The following ADAMTS9 variants were observed in gnomAD, a reference collection of about 807,000 sequenced individuals.
The protein encoded by ADAMTS9 is A disintegrin and metalloproteinase with thrombospondin motifs 9.
ADAMTS9 carries 107 observed loss-of-function variants against 257.1 expected under a neutral mutation model. That is an observed-to-expected ratio of 0.42 (90% CI 0.36 to 0.49). ADAMTS9 has a LOEUF of 0.49. Ranked by LOEUF, ADAMTS9 falls within the 20% of genes least tolerant of loss-of-function variation. The probability of loss-of-function intolerance (pLI) is 0.03; values close to 1 mark genes in which losing one functional copy is unlikely to be tolerated. For missense variants in ADAMTS9, 2,353 were observed against 2,469.1 expected, an observed-to-expected ratio of 0.95 and a Z score of 1.00; for synonymous variants, 982 against 880.9, an observed-to-expected ratio of 1.11 and a Z score of -2.03.
chr3:64,673,373 G>C (rs1701537444), intron 3 of ADAMTS9, among the ~76,000 whole-genome samples: 1 of 152,134 alleles, frequency 6.6e-6, no homozygotes, highest in African/African-American at 2.4e-5. Flanking sequence ...GACTGGCCTT[G>C]CTTTTCTAAT....
At chr3:64,539,063 G>A in intron 37 of ADAMTS9, 140 bp downstream of exon 37, 1 of 748,922 alleles carries the variant, frequency 1.3e-6, no homozygotes, top group Non-Finnish European at 2.3e-6. Context: ...GAGCATTTGA[G>A]AGGGTCTTGA....
chr3:64,576,689 C>A (rs2106721904), intron 28 of ADAMTS9, among the ~76,000 whole-genome samples: 1 of 152,266 alleles, frequency 6.6e-6, no homozygotes, highest in East Asian at 1.9e-4. Flanking sequence ...ATGTGGGAGT[C>A]ACGGTCATCC....
intron 28 of ADAMTS9, among the ~76,000 whole-genome samples, chr3:64,584,365 G>A (rs1372983422): frequency 6.6e-6 from 1 of 152,078 alleles, no homozygotes; most frequent in East Asian, 1.9e-4. Context: ...TGGGTGGGAT[G>A]GGGAGGAGGG....
At chr3:64,547,050 A>C (rs1174417256) in intron 31 of ADAMTS9, 98 bp from the exon 32 acceptor site, 1 of 1,085,638 alleles carries the variant, frequency 9.2e-7, no homozygotes, top group South Asian at 1.6e-5. Context: ...CCGTGTGACT[A>C]TGCTGCAGAA....
intron 3 of ADAMTS9, among the ~76,000 whole-genome samples, chr3:64,661,779 A>C (rs1422553093): frequency 6.6e-6 from 1 of 152,138 alleles, no homozygotes; most frequent in Non-Finnish European, 1.5e-5. Flanking sequence ...TACATTAAGA[A>C]AGTATATCAC....
chr3:64,673,251 CA>C (rs1178433472), intron 3 of ADAMTS9, among the ~76,000 whole-genome samples: 3 of 152,128 alleles, frequency 2.0e-5, no homozygotes, highest in African/African-American at 7.2e-5. Flanking sequence ...GCACTTCAGA[CA>C]AGGAGTCAAA....
intron 2 of ADAMTS9, among the ~76,000 whole-genome samples, chr3:64,683,851 T>G (rs1701821835): frequency 1.3e-5 from 2 of 152,046 alleles, no homozygotes; most frequent in African/African-American, 4.8e-5. Context: ...CCAAGAACCT[T>G]GATACAAGGG....
chr3:64,641,037 A>G (rs1414597611), intron 12 of ADAMTS9, among the ~76,000 whole-genome samples: 1 of 152,170 alleles, frequency 6.6e-6, no homozygotes, highest in Admixed American at 6.5e-5. Flanking sequence ...CTGTAATACA[A>G]CTAGATTGAT....
chr3:64,532,758 C>T (rs1246760645), intron 38 of ADAMTS9, among the ~76,000 whole-genome samples: 1 of 152,160 alleles, frequency 6.6e-6, no homozygotes, highest in Non-Finnish European at 1.5e-5. Flanking sequence ...TGTCTTCTAG[C>T]TCCATCTGTA....
chr3:64,544,749 C>G (rs2083174221), intron 32 of ADAMTS9, among the ~76,000 whole-genome samples: 1 of 152,126 alleles, frequency 6.6e-6, no homozygotes, highest in Admixed American at 6.5e-5. Flanking sequence ...GCAACAAAAG[C>G]CAAAATAGAC....
chr3:64,604,818 G>A (rs2084529265), intron 23 of ADAMTS9, among the ~76,000 whole-genome samples: 1 of 152,180 alleles, frequency 6.6e-6, no homozygotes, highest in Non-Finnish European at 1.5e-5. Flanking sequence ...GATATAAAAG[G>A]TGTATTCAAT....
At position 64,686,892 on chromosome 3, in the gene ADAMTS9, G is replaced by T; in HGVS notation, c.192C>A (p.Pro64=). 1.2e-6 allele frequency: 2 copies of T among 1,614,198 alleles called. No individual in the cohort carries two copies. Among genetic ancestry groups the T allele is most frequent in the Non-Finnish European group, 8.5e-7 (1 of 1,180,032 alleles). The part of the protein sequence containing the change: ...IRVNALGEPF[P]TNVHFKRTRR... ...GCGTTCTTTTGAAGTGGACGTTCGT[G>T]GGAAAGGGTTCTCCGAGAGCGTTCA... The change falls in exon 2 of 40, where the codon CCC becomes CCA. Residue 64 remains proline, a synonymous_variant. Transcript: ENST00000498707. This position sits in a 1 kb window ranked among gnomAD's most constrained non-coding sequence, Gnocchi z 4.6.
rs1042402522 is a variant in ADAMTS9, at chr3:64,546,857, G to A, written c.4965C>T (p.Thr1655=). ...GKENYEYSYQ[T]TINCPGTQPP... ...GCTGCGTGCCTGGGCAGTTGATGGT[G>A]GTTTGGTAGCTGTATTCATAATTCT... Residue 1655 remains threonine, a synonymous_variant, in exon 32 of 40, where the codon ACC becomes ACT. Transcript: ENST00000498707. 3 of 1,613,992 alleles carry A rather than the reference G, an allele frequency of 1.9e-6. No homozygotes were observed. Among genetic ancestry groups the A allele is most frequent in the Admixed American group, 3.3e-5 (2 of 59,998 alleles).
rs529264543 is a variant in ADAMTS9 at position 64,552,820 on chromosome 3, G to C, written c.4699-1758C>G. Among the ~76,000 whole-genome samples, 141 of 152,250 alleles carry C rather than the reference G, an allele frequency of 9.3e-4. 1 individual carries two copies. Among genetic ancestry groups the C allele is most frequent in the Middle Eastern group, 3.4e-3 (1 of 294 alleles). ...GATCCTCCTGCCTTGGCCTCCCAAAGTTCTGGGATTACAGGCGTCAGCCAT... is the reference window on the plus strand; with the variant it reads ...GATCCTCCTGCCTTGGCCTCCCAAACTTCTGGGATTACAGGCGTCAGCCAT... On this transcript the variant is annotated intron_variant, in intron 30 of 39. Transcript: ENST00000498707.
At position 64,541,305 on chromosome 3, in the gene ADAMTS9, G is replaced by C. The variant is rs1252990509; in HGVS notation, c.5387+15C>G. On this transcript the variant is annotated intron_variant, in intron 35 of 39. Coordinates refer to ENST00000498707, the MANE Select transcript of ADAMTS9 (RefSeq NM_182920.2). ...TCTCCAGGCCTCTGAGATCTTCTGA[G>C]CCTGGCTCTCCTACCTGTGCCCATA... 1 of 1,613,990 alleles carries C rather than the reference G, an allele frequency of 6.2e-7. No individual in the cohort carries two copies. Among genetic ancestry groups the C allele is most frequent in the South Asian group, 1.1e-5 (1 of 91,080 alleles).
intron 37 of ADAMTS9, among the ~76,000 whole-genome samples, chr3:64,538,581 C>T (rs1262770153): frequency 1.3e-5 from 2 of 151,618 alleles, no homozygotes; most frequent in Admixed American, 6.6e-5. Context: ...TGGGATCATA[C>T]TGCATGTAGT....
intron 32 of ADAMTS9, among the ~76,000 whole-genome samples, chr3:64,543,597 A>C (rs2083156043): frequency 6.6e-6 from 1 of 152,242 alleles, no homozygotes; most frequent in Admixed American, 6.5e-5. Flanking sequence ...TCAATAAATT[A>C]GGTATTGATG....
chr3:64,600,124 T>C (rs891442253), intron 26 of ADAMTS9, among the ~76,000 whole-genome samples: 2 of 150,152 alleles, frequency 1.3e-5, no homozygotes, highest in African/African-American at 2.4e-5. Context: ...AGAAATCTAT[T>C]ATAAAATGAA....
intron 30 of ADAMTS9, among the ~76,000 whole-genome samples, chr3:64,560,622 G>GATA (rs1052448682): frequency 1.3e-5 from 2 of 152,050 alleles, no homozygotes; most frequent in East Asian, 1.9e-4. Context: ...ATGGGATGAT[G>GATA]ATAATAATAA....
Sources: gnomAD v4.1 joint callset for allele counts (sites outside exome capture counted in the v4.1 genomes callset) on GRCh38, gnomAD v4.1.1 for gene constraint, Gnocchi (gnomAD v3.1) non-coding constraint, MANE v1.5 for transcripts, NCBI Gene and HGNC (gene_info 2026-07-23, HGNC 2026-07-21) for gene names.